PTPRM: variants seen among roughly 807,000 people sequenced by gnomAD.
The protein encoded by PTPRM is protein tyrosine phosphatase receptor type M.
In PTPRM, 47 loss-of-function variants were observed where a neutral mutation model predicts 186.7. That is an observed-to-expected ratio of 0.25 (90% CI 0.20 to 0.32). The LOEUF is 0.32. Among genes scored for constraint, PTPRM ranks in the 10% least tolerant of loss-of-function variants. The pLI, the probability that PTPRM is intolerant of heterozygous loss-of-function variation, is 1.00. For synonymous variants in PTPRM, 668 were observed against 674.9 expected, an observed-to-expected ratio of 0.99 and a Z score of 0.16; for missense variants, 1,494 against 1,865.0, an observed-to-expected ratio of 0.80 and a Z score of 3.66.
chr18:7,912,580 C>T (rs1217655015), intron 4 of PTPRM, among the ~76,000 whole-genome samples: 3 of 152,078 alleles, frequency 2.0e-5, no homozygotes, highest in Admixed American at 6.6e-5. Flanking sequence ...GGCACTATCT[C>T]GGCTCACTGC....
At chr18:7,580,456 T>G (rs948985957) in intron 1 of PTPRM, among the ~76,000 whole-genome samples, 10 of 152,220 alleles carry the variant, frequency 6.6e-5, no homozygotes, top group Admixed American at 2.0e-4. Flanking sequence ...TACTTGAGAA[T>G]GTAGCTACCA....
chr18:7,972,433 C>T lies in PTPRM; in HGVS notation c.1132+17019C>T, dbSNP rs1159104406. ...ATATGTAACTAACCTGCACAATGTG[C>T]ACATGTACCCTAAAACTTAAAGTAT... On this transcript the variant is annotated intron_variant, in intron 7 of 32. Coordinates refer to ENST00000580170, the MANE Select transcript of PTPRM (RefSeq NM_001105244.2). Among the ~76,000 whole-genome samples the T allele has an allele frequency of 3.4e-5, 3 of 88,510 alleles. No individual in the cohort carries two copies. In the Admixed American group the frequency reaches 5.3e-4, roughly 16 times the overall value. The allele number at this position is 88,510 out of a possible 152,430, so 58.1% of individuals were successfully genotyped here. A position where few individuals can be genotyped will look rare whatever the true frequency, so the allele number is the denominator to read the frequency against.
At chr18:7,725,095 C>T (rs1042058658) in intron 1 of PTPRM, among the ~76,000 whole-genome samples, 1 of 152,184 alleles carries the variant, frequency 6.6e-6, no homozygotes, top group African/African-American at 2.4e-5. Flanking sequence ...TCTGGTTATT[C>T]ACCACATCTA....
intron 7 of PTPRM, among the ~76,000 whole-genome samples, chr18:7,974,838 A>G (rs1401091252): frequency 6.6e-6 from 1 of 152,186 alleles, no homozygotes; most frequent in East Asian, 1.9e-4. Context: ...GCAGATTTTC[A>G]TGGATTGATT....
At chr18:8,302,601 C>T (rs754448220) in intron 20 of PTPRM, among the ~76,000 whole-genome samples, 5 of 152,024 alleles carry the variant, frequency 3.3e-5, no homozygotes, top group African/African-American at 9.7e-5. Context: ...GAGTGTGACA[C>T]GATGATGATG....
At chr18:7,761,647 T>TA (rs577740309) in intron 1 of PTPRM, among the ~76,000 whole-genome samples, 95 of 152,354 alleles carry the variant, frequency 6.2e-4, no homozygotes, top group African/African-American at 1.9e-3. Context: ...TGTTGGCTCT[T>TA]ACAGCATTTT....
chr18:7,665,234 A>T (rs1186990295), intron 1 of PTPRM, among the ~76,000 whole-genome samples: 1 of 152,202 alleles, frequency 6.6e-6, no homozygotes, highest in Non-Finnish European at 1.5e-5. Context: ...TAGAAATGAC[A>T]GTCAGCCAAG....
intron 1 of PTPRM, among the ~76,000 whole-genome samples, chr18:7,633,382 T>A (rs1163162598): frequency 6.6e-6 from 1 of 152,216 alleles, no homozygotes; most frequent in African/African-American, 2.4e-5. Context: ...CATCTTTGGA[T>A]GGCTGTGTCT....
chr18:7,966,831 A>G lies in PTPRM; in HGVS notation c.1132+11417A>G, dbSNP rs1385331483. On this transcript the variant is annotated intron_variant, in intron 7 of 32. Coordinates refer to ENST00000580170, the MANE Select transcript of PTPRM (RefSeq NM_001105244.2). The stretch of plus-strand genomic sequence containing the variant: ...CGCCCACGGAGTCTCGCTGATTGCC[A>G]GCACAGCAGTCTGAGATCAAACCGC... Among the ~76,000 whole-genome samples, 27 of 130,082 alleles carry G rather than the reference A, an allele frequency of 2.1e-4. 1 individual carries two copies. The highest frequency in any genetic ancestry group is 9.4e-4 in the Admixed American group (12 of 12,760). 85.3% of individuals were successfully genotyped at this position (130,082 alleles called of 152,430 possible). A position where few individuals can be genotyped will look rare whatever the true frequency, so the allele number is the denominator to read the frequency against.
At chr18:8,243,132 T>G (rs1393583284) in intron 14 of PTPRM, among the ~76,000 whole-genome samples, 1 of 152,218 alleles carries the variant, frequency 6.6e-6, no homozygotes, top group African/African-American at 2.4e-5. Context: ...CCTGTTTATT[T>G]ATGTTAGTTT....
intron 7 of PTPRM, among the ~76,000 whole-genome samples, chr18:8,061,289 T>G (rs1419427181): frequency 6.3e-4 from 61 of 96,094 alleles, no homozygotes; most frequent in African/African-American, 2.7e-3. Flanking sequence ...CCCTGCCTTT[T>G]TTTGTTTTCC....
At chr18:8,311,012 TA>T (rs1810000971) in intron 20 of PTPRM, among the ~76,000 whole-genome samples, 1 of 151,744 alleles carries the variant, frequency 6.6e-6, no homozygotes, top group South Asian at 2.1e-4. Context: ...AAGCCTGTAT[TA>T]AAACTGAAAT....
rs150070310 is a variant in PTPRM, at chr18:8,396,014, A to G, written c.4344+1403A>G. Among the ~76,000 whole-genome samples, 636 of 152,306 alleles carry G rather than the reference A, an allele frequency of 4.2e-3. 2 individuals are homozygous for G. The highest frequency in any genetic ancestry group is 0.014 in the African/African-American group (602 of 41,576). Reference sequence around the variant, plus strand: ...GTAGGAGTCTGCCAGGCGTGATGCCATCAGTGGCCTGGCAGAAGGGCTCTA... The same window carrying G: ...GTAGGAGTCTGCCAGGCGTGATGCCGTCAGTGGCCTGGCAGAAGGGCTCTA... On this transcript the variant is annotated intron_variant, in intron 32 of 32. Transcript: ENST00000580170.
intron 4 of PTPRM, among the ~76,000 whole-genome samples, chr18:7,915,892 G>A (rs1053154977): frequency 2.0e-5 from 3 of 152,092 alleles, no homozygotes; most frequent in Admixed American, 2.0e-4. Flanking sequence ...GATTATATAA[G>A]CCTTTAATAT....
At chr18:8,249,812 C>G (rs1052145094) in intron 17 of PTPRM, among the ~76,000 whole-genome samples, 8 of 152,122 alleles carry the variant, frequency 5.3e-5, no homozygotes, top group African/African-American at 1.9e-4. Flanking sequence ...CTTGGACAGA[C>G]AATTCAAGTA....
chr18:8,326,785 T>A (rs902125455), intron 22 of PTPRM, among the ~76,000 whole-genome samples: 9 of 152,164 alleles, frequency 5.9e-5, no homozygotes, highest in Non-Finnish European at 1.3e-4. Context: ...TTATACCATA[T>A]ACAAAAATCA....
chr18:8,202,923 C>T (rs1047061429), intron 14 of PTPRM, among the ~76,000 whole-genome samples: 5 of 152,210 alleles, frequency 3.3e-5, no homozygotes, highest in Non-Finnish European at 7.3e-5. Context: ...CCACAGGCCT[C>T]CTCTTCTTCC....
At chr18:7,632,195 A>G (rs2038208075) in intron 1 of PTPRM, among the ~76,000 whole-genome samples, 1 of 152,212 alleles carries the variant, frequency 6.6e-6, no homozygotes, top group Non-Finnish European at 1.5e-5. Context: ...ATTTCACTGT[A>G]GTGACATACC....
At chr18:8,336,551 CA>C (rs1409482408) in intron 22 of PTPRM, among the ~76,000 whole-genome samples, 1 of 113,792 alleles carries the variant, frequency 8.8e-6, no homozygotes, top group African/African-American at 3.4e-5. Context: ...GACTCTGTCT[CA>C]AAAAAAAGAA....
Sources: gnomAD v4.1 joint callset for allele counts (sites outside exome capture counted in the v4.1 genomes callset) on GRCh38, gnomAD v4.1.1 for gene constraint, MANE v1.5 for transcripts, NCBI Gene and HGNC (gene_info 2026-07-23, HGNC 2026-07-21) for gene names.